Variants in AFG3L2 observed in about 807,000 individuals in gnomAD.
AFG3L2 encodes mitochondrial inner membrane m-AAA protease component AFG3L2.
In AFG3L2, 54 loss-of-function variants were observed where a neutral mutation model predicts 94.5. The observed-to-expected ratio is 0.57, with a 90% CI of 0.46 to 0.72. The LOEUF (loss-of-function observed/expected upper bound fraction) is 0.72, where lower values mean the gene tolerates loss of function less well. Among genes scored for constraint, AFG3L2 ranks in the 30% least tolerant of loss-of-function variants. The probability of loss-of-function intolerance (pLI) is 0.00; values close to 1 mark genes in which losing one functional copy is unlikely to be tolerated. For missense variants in AFG3L2, 754 were observed against 994.9 expected, an observed-to-expected ratio of 0.76 and a Z score of 3.26; for synonymous variants, 377 against 365.5, an observed-to-expected ratio of 1.03 and a Z score of -0.36.
chr18:12,343,090 A>G (rs1908006897), intron 14 of AFG3L2: 1 of 152,114 alleles, frequency 6.6e-6, no homozygotes, highest in Non-Finnish European at 1.5e-5. Flanking sequence ...ACACTCCATG[A>G]GCAAAGTCCA....
intron 16 of AFG3L2, chr18:12,337,064 C>G (rs1346560114): frequency 1.7e-6 from 1 of 603,012 alleles, no homozygotes; most frequent in Non-Finnish European, 2.9e-6. Flanking sequence ...GAGGGAGAGT[C>G]CTGATTTGTT....
At position 12,340,192 on chromosome 18, in the gene AFG3L2, T is replaced by C; in HGVS notation, c.1980+9A>G. ...CATGAGGAGGAAATGCACTCTTTCA[T>C]ATACTCACTTGGGCATATGCACTCT... is the stretch of plus-strand genomic sequence containing the variant. On this transcript the variant is annotated intron_variant, in intron 15 of 16. Transcript: ENST00000269143. 6.2e-7 allele frequency: 1 copy of C among 1,609,524 alleles called. No individual in the cohort carries two copies. The highest frequency in any genetic ancestry group is 1.1e-5 in the South Asian group (1 of 90,968).
intron 1 of AFG3L2, among the ~76,000 whole-genome samples, chr18:12,375,500 C>A (rs1478853607): frequency 6.6e-6 from 1 of 151,712 alleles, no homozygotes; most frequent in African/African-American, 2.4e-5. Flanking sequence ...GCGGGAGGAT[C>A]GCCTGGGTCC....
chr18:12,370,141 A>G (rs1397564149), intron 3 of AFG3L2, among the ~76,000 whole-genome samples: 1 of 152,016 alleles, frequency 6.6e-6, no homozygotes, highest in Non-Finnish European at 1.5e-5. Flanking sequence ...CCGTGCTCTA[A>G]AAAAGTCTCT....
intron 15 of AFG3L2, among the ~76,000 whole-genome samples, chr18:12,338,840 T>A (rs752432530): frequency 5.9e-5 from 9 of 152,098 alleles, no homozygotes; most frequent in Non-Finnish European, 1.0e-4. Context: ...GGAAATGACA[T>A]ATGATATGAA....
At chr18:12,359,304 CTTTGA>C (rs1255469940) in intron 7 of AFG3L2, among the ~76,000 whole-genome samples, 1 of 152,102 alleles carries the variant, frequency 6.6e-6, no homozygotes, top group Non-Finnish European at 1.5e-5. Context: ...GAATGGCACT[CTTTGA>C]TACAAAGGGG....
At chr18:12,375,800 G>A (rs114453970) in intron 1 of AFG3L2, among the ~76,000 whole-genome samples, 2 of 151,942 alleles carry the variant, frequency 1.3e-5, no homozygotes, top group African/African-American at 2.4e-5. Context: ...CCGCCTGCTG[G>A]GATTACAGCC....
chr18:12,331,824 T>TATATAA, intron 16 of AFG3L2, among the ~76,000 whole-genome samples: 1 of 2,158 alleles, frequency 4.6e-4, no homozygotes, highest in African/African-American at 7.5e-4. Flanking sequence ...TATATATATA[T>TATATAA]ATATATATAT....
intron 6 of AFG3L2, among the ~76,000 whole-genome samples, chr18:12,363,579 CA>C (rs1908722265): frequency 6.6e-6 from 1 of 152,134 alleles, no homozygotes; most frequent in South Asian, 2.1e-4. Flanking sequence ...CAAAACAAAA[CA>C]ATGACCCAAT....
intron 6 of AFG3L2, among the ~76,000 whole-genome samples, chr18:12,361,294 A>C (rs972257903): frequency 5.3e-5 from 8 of 152,030 alleles, no homozygotes; most frequent in Non-Finnish European, 8.8e-5. Context: ...CACAGGTTGC[A>C]GTGAGCCAAG....
intron 16 of AFG3L2, among the ~76,000 whole-genome samples, chr18:12,333,034 A>G (rs1461875578): frequency 1.6e-5 from 1 of 60,624 alleles, no homozygotes; most frequent in Non-Finnish European, 3.7e-5. Context: ...ATATATAAAA[A>G]TATATAATCT....
At position 12,344,494 on chromosome 18, in the gene AFG3L2, G is replaced by A. The variant is rs141702209; in HGVS notation, c.1664-247C>T. ...GTTCGAGACCAGCCTGGCCAACATG[G>A]TGAAACCCCGTCTCTACTAAAAATA... On this transcript the variant is annotated intron_variant, in intron 13 of 16. Coordinates refer to ENST00000269143, the MANE Select transcript of AFG3L2 (RefSeq NM_006796.3). Among the ~76,000 whole-genome samples, 1,791 of 152,074 alleles carry A rather than the reference G, an allele frequency of 0.012. 30 individuals carry two copies. The highest frequency in any genetic ancestry group is 0.041 in the African/African-American group (1,715 of 41,478).
chr18:12,357,819 G>A lies in AFG3L2; in HGVS notation c.1026+851C>T, dbSNP rs537897927. Reference sequence around the variant, plus strand: ...TCACCATGTTGGCCAGGCTGGTCTCGAACTCCTGACCTCAGGTGATCCACC... The same window carrying A: ...TCACCATGTTGGCCAGGCTGGTCTCAAACTCCTGACCTCAGGTGATCCACC... On this transcript the variant is annotated intron_variant, in intron 8 of 16. Transcript: ENST00000269143. Among the ~76,000 whole-genome samples the A allele has an allele frequency of 9.5e-4, 145 of 152,092 alleles. 1 individual carries two copies. The highest frequency in any genetic ancestry group is 3.4e-3 in the African/African-American group (141 of 41,482).
At chr18:12,363,957 G>A (rs1908735012) in intron 5 of AFG3L2, 101 bp from the exon 6 acceptor site, 2 of 922,284 alleles carry the variant, frequency 2.2e-6, no homozygotes, top group Middle Eastern at 3.1e-4. Flanking sequence ...GCCACACAAG[G>A]AAAGAATAAA....
intron 14 of AFG3L2, 51 bp from the exon 15 acceptor site, chr18:12,340,452 T>A: frequency 7.3e-7 from 1 of 1,372,112 alleles, no homozygotes. Context: ...GAAGACTTGA[T>A]CAAAACATCT....
chr18:12,358,889 G>A lies in AFG3L2; in HGVS notation c.807C>T (p.Tyr269=). 2.5e-6 allele frequency: 4 copies of A among 1,614,228 alleles called. No individual in the cohort carries two copies. Among genetic ancestry groups the A allele is most frequent in the Non-Finnish European group, 3.4e-6 (4 of 1,180,038 alleles). The change falls in exon 8 of 17, where the codon TAC becomes TAT. Residue 269 remains tyrosine (Y), a synonymous_variant. Coordinates refer to ENST00000269143, the MANE Select transcript of AFG3L2 (RefSeq NM_006796.3). Reference sequence around the variant, plus strand: ...TGCCAGCAGGCCCTCTTCTGATGGTGTAGAGCAAGAAGGCGATGATGAGCA... The same window carrying A: ...TGCCAGCAGGCCCTCTTCTGATGGTATAGAGCAAGAAGGCGATGATGAGCA... ...PTVLIIAFLL[Y]TIRRGPAGIG...
At chr18:12,333,220 TATATAA>T (rs1907632075) in intron 16 of AFG3L2, among the ~76,000 whole-genome samples, 1 of 121,632 alleles carries the variant, frequency 8.2e-6, no homozygotes, top group Non-Finnish European at 1.6e-5. Context: ...TATAATCTAT[TATATAA>T]ATATATGATA....
intron 16 of AFG3L2, among the ~76,000 whole-genome samples, chr18:12,334,542 A>C (rs1907682798): frequency 6.6e-6 from 1 of 152,158 alleles, no homozygotes. Flanking sequence ...GGGTGTTGAG[A>C]CCAAACCGTT....
At chr18:12,349,407 T>C (rs77848069) in intron 12 of AFG3L2, among the ~76,000 whole-genome samples, 2,240 of 152,250 alleles carry the variant, frequency 0.015, 44 homozygotes, top group African/African-American at 0.051. Context: ...CCTAGGTATA[T>C]ACCAAGAGAA....
Sources: gnomAD v4.1 joint callset for allele counts (sites outside exome capture counted in the v4.1 genomes callset) on GRCh38, gnomAD v4.1.1 for gene constraint, MANE v1.5 for transcripts, NCBI Gene and HGNC (gene_info 2026-07-23, HGNC 2026-07-21) for gene names.